Variants in KIF26B observed in about 807,000 individuals in gnomAD.
The protein encoded by KIF26B is kinesin-like protein KIF26B.
KIF26B carries 63 observed loss-of-function variants against 151.2 expected under a neutral mutation model. The observed-to-expected ratio is 0.42, with a 90% CI of 0.34 to 0.51. The LOEUF (loss-of-function observed/expected upper bound fraction) is 0.51. Ranked by LOEUF, KIF26B falls within the 20% of genes least tolerant of loss-of-function variation. The pLI is 0.07. For missense variants in KIF26B, 2,813 were observed against 2,913.6 expected (o/e 0.97, Z 0.79); for synonymous variants, 1,357 against 1,262.1 (o/e 1.08, Z -1.59).
At chr1:245,631,212 A>G (rs2043778000) in intron 9 of KIF26B, among the ~76,000 whole-genome samples, 1 of 152,012 alleles carries the variant, frequency 6.6e-6, no homozygotes, top group Admixed American at 6.6e-5. Flanking sequence ...CAGTTCTTAG[A>G]AAAAAAAGGC....
chr1:245,519,138 G>A (rs1237337542), intron 4 of KIF26B, among the ~76,000 whole-genome samples: 1 of 152,174 alleles, frequency 6.6e-6, no homozygotes, highest in Non-Finnish European at 1.5e-5. Context: ...ATTTCCTAGT[G>A]AAATGGATGA....
intron 2 of KIF26B, among the ~76,000 whole-genome samples, chr1:245,261,487 CTCTCTCTCTCTCTCT>C (rs1670639984): frequency 8.1e-6 from 1 of 123,514 alleles, no homozygotes; most frequent in African/African-American, 3.3e-5. Context: ...CTCTCTCTCT[CTCTCTCTCTCTCTCT>C]CCCTCCCTCC....
Position 245,155,179 on chromosome 1 carries a change from G to A in KIF26B, c.-246G>A, listed in dbSNP as rs1285993673. ...AGAGGACGTGCGGCTGGAAGAGGCAGAAGGGGACGAGGAAAAGCATGCTTT... is the reference window on the plus strand; with the variant it reads ...AGAGGACGTGCGGCTGGAAGAGGCAAAAGGGGACGAGGAAAAGCATGCTTT... On this transcript the variant is annotated 5_prime_UTR_variant, in exon 1 of 15. Coordinates refer to ENST00000407071, the MANE Select transcript of KIF26B (RefSeq NM_018012.4). 3.6e-6 allele frequency: 2 copies of A among 558,444 alleles called. No homozygotes were observed. Among genetic ancestry groups the A allele is most frequent in the Non-Finnish European group, 3.1e-6 (1 of 322,912 alleles). The allele number at this position is 558,444 out of a possible 1,614,324, so 34.6% of individuals were successfully genotyped here. A position where few individuals can be genotyped will look rare whatever the true frequency, so the allele number is the denominator to read the frequency against.
intron 5 of KIF26B, among the ~76,000 whole-genome samples, chr1:245,583,639 C>T (rs987611837): frequency 1.3e-5 from 2 of 152,186 alleles, no homozygotes; most frequent in Non-Finnish European, 2.9e-5. Flanking sequence ...GACCTGTTGC[C>T]GTCTGGGCTG....
rs1411356130 is a variant in KIF26B, at chr1:245,597,977, A to G, written c.1351-4600A>G. Among the ~76,000 whole-genome samples the G allele has an allele frequency of 6.6e-6, 1 of 151,958 alleles. No individual in the cohort carries two copies. The highest frequency in any genetic ancestry group is 1.5e-5 in the Non-Finnish European group (1 of 67,990). Reference sequence around the variant, plus strand: ...TTCTCATGCTGTGTTTTTCAACTCCATCAGGTCATTTGTGTTCTTCTCTAA... The same window carrying G: ...TTCTCATGCTGTGTTTTTCAACTCCGTCAGGTCATTTGTGTTCTTCTCTAA... On this transcript the variant is annotated intron_variant, in intron 5 of 14. Coordinates refer to ENST00000407071, the MANE Select transcript of KIF26B (RefSeq NM_018012.4). This position sits in a 1 kb window ranked among gnomAD's most constrained non-coding sequence, Gnocchi z 4.6.
At chr1:245,292,453 G>T (rs889024563) in intron 2 of KIF26B, among the ~76,000 whole-genome samples, 4 of 152,174 alleles carry the variant, frequency 2.6e-5, no homozygotes, top group Admixed American at 1.3e-4. Context: ...CCTTGCTAGT[G>T]GCTCACTTTA....
chr1:245,225,081 A>C (rs1294508812), intron 2 of KIF26B, among the ~76,000 whole-genome samples: 1 of 152,224 alleles, frequency 6.6e-6, no homozygotes, highest in Non-Finnish European at 1.5e-5. Flanking sequence ...ACAATGTCTG[A>C]GACTATAATA....
rs760454142 is a variant in KIF26B, at chr1:245,687,552, G to C, written c.4569G>C (p.Gln1523His). 5 of 1,566,534 alleles carry C rather than the reference G, an allele frequency of 3.2e-6. No individual in the cohort carries two copies. Among genetic ancestry groups the C allele is most frequent in the Non-Finnish European group, 4.3e-6 (5 of 1,156,116 alleles). The change falls in exon 12 of 15, where the codon CAG (glutamine) becomes CAC (histidine). Residue 1523 changes from glutamine to histidine, a missense_variant. This residue lies in a region of KIF26B where 2,060 missense variants were observed against 2,088.6 expected (regional missense o/e 0.99). Coordinates refer to ENST00000407071, the MANE Select transcript of KIF26B (RefSeq NM_018012.4). The surrounding 1 kb of genome is among the most constrained non-coding windows in gnomAD (Gnocchi z 4.9). ...CEMALPGLATQSPVHPNKSVK... is the reference protein window; with the variant it reads ...CEMALPGLATHSPVHPNKSVK... ...TGGCCCTGCCCGGTTTGGCCACCCA[G>C]AGCCCCGTGCATCCCAACAAAAGCG...
intron 2 of KIF26B, among the ~76,000 whole-genome samples, chr1:245,169,032 C>T (rs1668660471): frequency 1.3e-5 from 2 of 152,218 alleles, no homozygotes; most frequent in South Asian, 4.1e-4. Context: ...AAAAGCAGAA[C>T]TTGATTTTGT....
intron 2 of KIF26B, among the ~76,000 whole-genome samples, chr1:245,192,041 A>G (rs1286639495): frequency 6.6e-6 from 1 of 152,148 alleles, no homozygotes; most frequent in Non-Finnish European, 1.5e-5. Context: ...ATTTCTGGGA[A>G]TCTATCTTAA....
intron 4 of KIF26B, among the ~76,000 whole-genome samples, chr1:245,459,972 G>GT (rs897693289): frequency 5.3e-5 from 8 of 151,728 alleles, no homozygotes; most frequent in African/African-American, 1.7e-4. Flanking sequence ...CTTTCAGAGT[G>GT]TTTTTTGTTT....
rs572565968 is a variant in KIF26B, at chr1:245,572,849, A to G, written c.1351-29728A>G. Among the ~76,000 whole-genome samples, 11 of 152,162 alleles carry G rather than the reference A, an allele frequency of 7.2e-5. No individual in the cohort carries two copies. In the South Asian group the frequency reaches 2.1e-3, roughly 29 times the overall value. On this transcript the variant is annotated intron_variant, in intron 5 of 14. Coordinates refer to ENST00000407071, the MANE Select transcript of KIF26B (RefSeq NM_018012.4). This position sits in a 1 kb window ranked among gnomAD's most constrained non-coding sequence, Gnocchi z 4.2. ...GTGGCTCAGATGTGTCTTTGCGGGG[A>G]AATGGTCAGGCGTCCTCTGTTGGCA...
At chr1:245,689,713 G>A (rs1442086599) in intron 12 of KIF26B, among the ~76,000 whole-genome samples, 2 of 151,994 alleles carry the variant, frequency 1.3e-5, no homozygotes, top group Non-Finnish European at 2.9e-5. Flanking sequence ...GTGCACCACC[G>A]TGCCTGGCTA....
chr1:245,627,744 TAAA>T (rs1294841610), intron 9 of KIF26B, among the ~76,000 whole-genome samples: 3 of 150,044 alleles, frequency 2.0e-5, no homozygotes, highest in Non-Finnish European at 3.0e-5. Flanking sequence ...ACTAGACTAA[TAAA>T]GAAGAAAAGG....
chr1:245,506,453 T>C (rs1238684885), intron 4 of KIF26B, among the ~76,000 whole-genome samples: 1 of 152,206 alleles, frequency 6.6e-6, no homozygotes, highest in African/African-American at 2.4e-5. Flanking sequence ...AATTTAGCCT[T>C]AAAGCCATCG....
At chr1:245,612,788 A>C (rs1187870661) in intron 9 of KIF26B, among the ~76,000 whole-genome samples, 1 of 152,162 alleles carries the variant, frequency 6.6e-6, no homozygotes, top group Non-Finnish European at 1.5e-5. Context: ...TCAAATCGTC[A>C]GTGAAGGTTT....
chr1:245,459,618 G>A (rs1401278801), intron 4 of KIF26B, among the ~76,000 whole-genome samples: 3 of 152,212 alleles, frequency 2.0e-5, no homozygotes, highest in African/African-American at 7.2e-5. Context: ...GGTGGGATGT[G>A]CGGGTGGTAT....
rs564556176 is a variant in KIF26B, at chr1:245,213,728, G to A, written c.465+57045G>A. Among the ~76,000 whole-genome samples, 4 of 152,276 alleles carry A rather than the reference G, an allele frequency of 2.6e-5. No individual in the cohort carries two copies. In the South Asian group the frequency reaches 8.3e-4, roughly 32 times the overall value. On this transcript the variant is annotated intron_variant, in intron 2 of 14. Transcript: ENST00000407071. ...GTGGATGCACACGTGACCGTGTGCCGCACCTTTGTTCTGCCCGTTCCTTAC... is the reference window on the plus strand; with the variant it reads ...GTGGATGCACACGTGACCGTGTGCCACACCTTTGTTCTGCCCGTTCCTTAC...
chr1:245,400,090 G>C (rs944771733), intron 3 of KIF26B, among the ~76,000 whole-genome samples: 1 of 152,120 alleles, frequency 6.6e-6, no homozygotes, highest in East Asian at 1.9e-4. Flanking sequence ...ATAGAAATCT[G>C]GTACATGGCT....
Sources: gnomAD v4.1 joint callset for allele counts (sites outside exome capture counted in the v4.1 genomes callset) on GRCh38, gnomAD v4.1.1 for gene constraint, gnomAD v4.1.1 regional missense constraint, Gnocchi (gnomAD v3.1) non-coding constraint, MANE v1.5 for transcripts, NCBI Gene and HGNC (gene_info 2026-07-23, HGNC 2026-07-21) for gene names.